The following CNBD1 variants were observed in gnomAD, a reference collection of about 807,000 sequenced individuals.
CNBD1 encodes the protein cyclic nucleotide-binding domain-containing protein 1.
CNBD1 carries 71 observed loss-of-function variants against 54.4 expected under a neutral mutation model. That is an observed-to-expected ratio of 1.30 (90% confidence interval 1.08 to 1.59). CNBD1 has a LOEUF of 1.59. CNBD1 is among the 40% of genes most tolerant of loss of function. The pLI, the probability that CNBD1 is intolerant of heterozygous loss-of-function variation, is 0.00. For missense variants in CNBD1, 659 were observed against 518.0 expected (o/e 1.27, Z -2.64); for synonymous variants, 182 against 170.7 (o/e 1.07, Z -0.51).
chr8:87,349,485 C>T (rs1472647960), intron 8 of CNBD1, among the ~76,000 whole-genome samples: 1 of 152,134 alleles, frequency 6.6e-6, no homozygotes, highest in Admixed American at 6.5e-5. Context: ...AAGCTATTCC[C>T]CTGCCTCAGC....
At chr8:87,154,691 T>G (rs573725215) in intron 4 of CNBD1, among the ~76,000 whole-genome samples, 1 of 152,326 alleles carries the variant, frequency 6.6e-6, no homozygotes, top group East Asian at 1.9e-4. Flanking sequence ...CTGTCTTCTT[T>G]TAGTTTAAAA....
At chr8:87,375,692 C>T (rs941876732) in intron 10 of CNBD1, among the ~76,000 whole-genome samples, 3 of 151,850 alleles carry the variant, frequency 2.0e-5, no homozygotes, top group African/African-American at 4.8e-5. Flanking sequence ...CAAGACAAAA[C>T]TTCCATCTCT....
At chr8:87,129,772 C>T (rs538976204) in intron 4 of CNBD1, among the ~76,000 whole-genome samples, 8 of 152,220 alleles carry the variant, frequency 5.3e-5, no homozygotes, top group South Asian at 4.1e-4. Context: ...AAACATTTCT[C>T]TCTCTCTTTT....
intron 8 of CNBD1, among the ~76,000 whole-genome samples, chr8:87,324,532 G>T (rs1175812509): frequency 6.9e-6 from 1 of 145,382 alleles, no homozygotes. Context: ...TTAGTCTTGG[G>T]AGAGTGTATG....
intron 2 of CNBD1, among the ~76,000 whole-genome samples, chr8:87,419,851 C>T (rs1023027560): frequency 2.6e-5 from 4 of 151,244 alleles, no homozygotes; most frequent in Admixed American, 6.6e-5. Context: ...AGAAAATGGT[C>T]CTAGAATTAT....
At chr8:87,370,420 T>A (rs1383147576) in intron 10 of CNBD1, among the ~76,000 whole-genome samples, 1 of 152,178 alleles carries the variant, frequency 6.6e-6, no homozygotes, top group Non-Finnish European at 1.5e-5. Flanking sequence ...ATTGCCATTC[T>A]AACTGGTGTG....
Position 87,206,682 on chromosome 8 carries a change from T to C in CNBD1, c.577+544T>C, listed in dbSNP as rs1813982904. Among the ~76,000 whole-genome samples the C allele has an allele frequency of 2.6e-5, 4 of 152,318 alleles. No individual in the cohort carries two copies. The South Asian group carries it at 8.3e-4, about 32-fold the overall frequency. On this transcript the variant is annotated intron_variant, in intron 5 of 10. Transcript: ENST00000518476. ...TTCCCAATTTTAGCTTTTGGTCCCT[T>C]CATGAAGGATTTAGTGGATATATTA...
chr8:87,228,093 A>T (rs1020978284), intron 5 of CNBD1, among the ~76,000 whole-genome samples: 3 of 151,208 alleles, frequency 2.0e-5, no homozygotes, highest in Non-Finnish European at 4.4e-5. Context: ...CAGCTCCATC[A>T]GCTCCTTTAA....
intron 6 of CNBD1, among the ~76,000 whole-genome samples, chr8:87,260,580 C>T (rs1208739570): frequency 1.3e-5 from 2 of 152,098 alleles, no homozygotes; most frequent in African/African-American, 4.8e-5. Context: ...ACTGTTTTTG[C>T]ACAGGGAGAG....
chr8:87,371,394 T>A (rs1471512730), intron 10 of CNBD1, among the ~76,000 whole-genome samples: 4 of 152,044 alleles, frequency 2.6e-5, no homozygotes, highest in Non-Finnish European at 4.4e-5. Context: ...TGTATCCTCT[T>A]TTATTTCATT....
intron 6 of CNBD1, among the ~76,000 whole-genome samples, chr8:87,255,875 A>G (rs1207335890): frequency 6.7e-6 from 1 of 148,244 alleles, no homozygotes; most frequent in African/African-American, 2.5e-5. Flanking sequence ...GGTGCTTAAT[A>G]GGAAGCATAT....
intron 8 of CNBD1, among the ~76,000 whole-genome samples, chr8:87,347,686 G>T (rs968440882): frequency 2.0e-5 from 3 of 152,056 alleles, no homozygotes; most frequent in African/African-American, 4.8e-5. Context: ...GGTTTAATTG[G>T]TTATTGGGCT....
At chr8:87,224,907 C>T (rs1814442501) in intron 5 of CNBD1, among the ~76,000 whole-genome samples, 1 of 152,074 alleles carries the variant, frequency 6.6e-6, no homozygotes, top group Non-Finnish European at 1.5e-5. Context: ...TTTGTATCCT[C>T]TATTATTTCA....
intron 4 of CNBD1, among the ~76,000 whole-genome samples, chr8:87,102,876 A>T (rs6980960): frequency 1.3e-5 from 2 of 151,976 alleles, no homozygotes; most frequent in African/African-American, 4.8e-5. Flanking sequence ...AGCTTCCCAA[A>T]GTGCTGGGGT....
intron 8 of CNBD1, among the ~76,000 whole-genome samples, chr8:87,333,143 G>C (rs1289034478): frequency 6.6e-6 from 1 of 152,106 alleles, no homozygotes; most frequent in African/African-American, 2.4e-5. Flanking sequence ...AATTGTGAAT[G>C]GGAGTTCATT....
At chr8:87,395,380 G>A (rs989215705) in intron 2 of CNBD1, among the ~76,000 whole-genome samples, 1 of 151,780 alleles carries the variant, frequency 6.6e-6, no homozygotes, top group Admixed American at 6.6e-5. Context: ...AGAGGGAAGG[G>A]AACAATATTT....
At chr8:87,140,023 A>G in intron 4 of CNBD1, among the ~76,000 whole-genome samples, 1 of 152,114 alleles carries the variant, frequency 6.6e-6, no homozygotes, top group Non-Finnish European at 1.5e-5. Flanking sequence ...TATTAGTTTC[A>G]CCAAGATCCA....
chr8:86,869,008 G>A (rs767819900), intron 1 of CNBD1, among the ~76,000 whole-genome samples: 2 of 152,060 alleles, frequency 1.3e-5, no homozygotes, highest in African/African-American at 4.8e-5. Context: ...AAGATGGAGG[G>A]GGGACAAAAG....
At chr8:86,965,121 A>G (rs1487621738) in intron 4 of CNBD1, among the ~76,000 whole-genome samples, 1 of 152,176 alleles carries the variant, frequency 6.6e-6, no homozygotes, top group Non-Finnish European at 1.5e-5. Flanking sequence ...ATATACTTTC[A>G]ATGACTAAGC....
Sources: allele counts gnomAD v4.1 joint callset (sites outside exome capture counted in the v4.1 genomes callset), GRCh38; gene constraint gnomAD v4.1.1; transcripts MANE v1.5; gene names NCBI Gene and HGNC (gene_info 2026-07-23, HGNC 2026-07-21).